PITPNB: variants seen among roughly 807,000 people sequenced by gnomAD.
PITPNB encodes phosphatidylinositol transfer protein beta, also known as phosphatidylinositol transfer protein beta isoform.
Under a neutral mutation model 45.9 loss-of-function variants are expected in PITPNB, and 16 were observed. That is an observed-to-expected ratio of 0.35 (90% CI 0.24 to 0.53). The LOEUF (loss-of-function observed/expected upper bound fraction) is 0.53, where lower values mean the gene tolerates loss of function less well. Ranked by LOEUF, PITPNB falls within the 20% of genes least tolerant of loss-of-function variation. The pLI is 0.93. For synonymous variants in PITPNB, 112 were observed against 108.9 expected (o/e 1.03, Z -0.18); for missense variants, 188 against 330.5 (o/e 0.57, Z 3.34).
At chr22:27,875,253 C>T (rs1417958798) in intron 7 of PITPNB, among the ~76,000 whole-genome samples, 1 of 152,260 alleles carries the variant, frequency 6.6e-6, no homozygotes, top group Non-Finnish European at 1.5e-5. Flanking sequence ...GCAAATAGGT[C>T]TGGCTATACT....
intron 8 of PITPNB, among the ~76,000 whole-genome samples, chr22:27,870,938 T>A (rs1934641089): frequency 6.6e-6 from 1 of 152,216 alleles, no homozygotes; most frequent in African/African-American, 2.4e-5. Flanking sequence ...AGTAGCTGAA[T>A]TTATAAGAGT....
chr22:27,909,338 TTATA>T (rs1333624849), intron 3 of PITPNB, among the ~76,000 whole-genome samples: 4 of 150,912 alleles, frequency 2.7e-5, no homozygotes, highest in Non-Finnish European at 4.4e-5. Flanking sequence ...AGTTCTGGGA[TTATA>T]GGCCTGAGCC....
At chr22:27,905,801 C>A (rs1230072104) in intron 3 of PITPNB, among the ~76,000 whole-genome samples, 1 of 152,110 alleles carries the variant, frequency 6.6e-6, no homozygotes, top group African/African-American at 2.4e-5. Flanking sequence ...GAAGGGTGAG[C>A]AAATAAACTA....
chr22:27,916,351 C>G (rs1936074723), intron 1 of PITPNB, among the ~76,000 whole-genome samples: 1 of 152,154 alleles, frequency 6.6e-6, no homozygotes, highest in Non-Finnish European at 1.5e-5. Context: ...TGAAAATGTT[C>G]AAATGTCTGA....
intron 6 of PITPNB, among the ~76,000 whole-genome samples, chr22:27,895,623 T>C (rs1460090916): frequency 2.7e-5 from 4 of 150,176 alleles, no homozygotes; most frequent in Non-Finnish European, 5.9e-5. Flanking sequence ...CAACATAAAA[T>C]GTCAAATGAT....
chr22:27,885,212 T>TTAAAAAAAAAA (rs1569019261), intron 7 of PITPNB, among the ~76,000 whole-genome samples: 5 of 30,234 alleles, frequency 1.7e-4, no homozygotes, highest in East Asian at 2.4e-3. Context: ...AATTTATACC[T>TTAAAAAAAAAA]AAAAAAAAAA....
chr22:27,914,165 C>A, intron 2 of PITPNB, 152 bp downstream of exon 2: 6 of 637,234 alleles, frequency 9.4e-6, no homozygotes, highest in Non-Finnish European at 1.7e-5. Context: ...ATTCATTTTG[C>A]AATTCTTTGC....
At position 27,901,819 on chromosome 22, in the gene PITPNB, C is replaced by T. The variant is rs184254085; in HGVS notation, c.198-3927G>A. Among the ~76,000 whole-genome samples, 351 of 152,034 alleles carry T rather than the reference C, an allele frequency of 2.3e-3. 1 individual carries two copies. Among genetic ancestry groups the T allele is most frequent in the Non-Finnish European group, 3.2e-3 (215 of 67,972 alleles). On this transcript the variant is annotated intron_variant, in intron 3 of 11. Transcript: ENST00000335272. ...GAGTCGCTTGACTCAGGGAGGTGGA[C>T]GCTGCAGTGAGCCAAGATCACACCA...
intron 7 of PITPNB, among the ~76,000 whole-genome samples, chr22:27,891,666 G>A (rs1239884474): frequency 1.3e-5 from 2 of 152,072 alleles, no homozygotes; most frequent in Non-Finnish European, 2.9e-5. Context: ...ATCTGTTTAG[G>A]AGTTCCTCCT....
At chr22:27,886,382 TATG>T (rs2146386338) in intron 7 of PITPNB, among the ~76,000 whole-genome samples, 1 of 152,344 alleles carries the variant, frequency 6.6e-6, no homozygotes, top group East Asian at 1.9e-4. Flanking sequence ...TTTAAATACA[TATG>T]ATTTTTGTAG....
At chr22:27,908,867 C>A (rs1182008171) in intron 3 of PITPNB, among the ~76,000 whole-genome samples, 2 of 151,974 alleles carry the variant, frequency 1.3e-5, no homozygotes, top group East Asian at 3.9e-4. Flanking sequence ...TAAGTCAAAC[C>A]AGCAACAGAA....
At chr22:27,912,889 C>T (rs940036737) in intron 2 of PITPNB, among the ~76,000 whole-genome samples, 4 of 143,972 alleles carry the variant, frequency 2.8e-5, no homozygotes, top group Admixed American at 7.3e-5. Flanking sequence ...GGCTGAGGCA[C>T]GGAGAATTGC....
intron 3 of PITPNB, among the ~76,000 whole-genome samples, chr22:27,910,203 G>T (rs759389315): frequency 2.6e-5 from 4 of 152,030 alleles, no homozygotes; most frequent in Non-Finnish European, 4.4e-5. Context: ...GCCCGCCTCA[G>T]CCTCCCAAAG....
At chr22:27,895,631 G>T (rs1935410294) in intron 6 of PITPNB, among the ~76,000 whole-genome samples, 1 of 151,782 alleles carries the variant, frequency 6.6e-6, no homozygotes, top group Admixed American at 6.6e-5. Context: ...AATGTCAAAT[G>T]ATCACTTGAA....
chr22:27,860,009 T>C, intron 9 of PITPNB, 122 bp downstream of exon 9: 1 of 619,986 alleles, frequency 1.6e-6, no homozygotes, highest in Non-Finnish European at 2.9e-6. Context: ...ATGAATTATG[T>C]AGGGACAATA....
intron 2 of PITPNB, among the ~76,000 whole-genome samples, chr22:27,912,816 T>C (rs2146429919): frequency 6.6e-6 from 1 of 151,820 alleles, no homozygotes; most frequent in Non-Finnish European, 1.5e-5. Context: ...ACCCGGTCTC[T>C]AATAAATATA....
chr22:27,866,154 G>C (rs1042342535), intron 8 of PITPNB, among the ~76,000 whole-genome samples: 1 of 152,194 alleles, frequency 6.6e-6, no homozygotes, highest in Admixed American at 6.5e-5. Flanking sequence ...CAAGATGAAC[G>C]TCATGGGCTA....
At chr22:27,866,441 G>C (rs1934487656) in intron 8 of PITPNB, among the ~76,000 whole-genome samples, 1 of 152,122 alleles carries the variant, frequency 6.6e-6, no homozygotes, top group Non-Finnish European at 1.5e-5. Flanking sequence ...ACAAAACACA[G>C]TGTGTTTAAC....
At position 27,885,362 on chromosome 22, in the gene PITPNB, T is replaced by C. The variant is rs571845608; in HGVS notation, c.456+9193A>G. 6.6e-5 allele frequency among the ~76,000 whole-genome samples: 10 copies of C among 152,204 alleles called. No homozygotes were observed. The East Asian group carries it at 1.9e-3, about 29-fold the overall frequency. On this transcript the variant is annotated intron_variant, in intron 7 of 11. Coordinates refer to ENST00000335272, the MANE Select transcript of PITPNB (RefSeq NM_012399.5). ...AGGAATCCTAAACTTTTTACTGTGG[T>C]TGTGTATCAGTGACAACTTTAGAAA...
Sources: allele counts gnomAD v4.1 joint callset (sites outside exome capture counted in the v4.1 genomes callset), GRCh38; gene constraint gnomAD v4.1.1; transcripts MANE v1.5; gene names NCBI Gene and HGNC (gene_info 2026-07-23, HGNC 2026-07-21).